The following SPOCK3 variants were observed in gnomAD, a reference collection of about 807,000 sequenced individuals.
SPOCK3 encodes SPARC (osteonectin), cwcv and kazal like domains proteoglycan 3.
A neutral mutation model predicts 56.6 loss-of-function variants in SPOCK3; 30 were observed. The ratio of observed to expected loss-of-function variants is 0.53; its 90% CI spans 0.40 to 0.72. The LOEUF (loss-of-function observed/expected upper bound fraction) is 0.72, where lower values mean the gene tolerates loss of function less well. Among genes scored for constraint, SPOCK3 ranks in the 30% least tolerant of loss-of-function variants. The pLI is 0.00. For synonymous variants in SPOCK3, 196 were observed against 183.3 expected (o/e 1.07, Z -0.56); for missense variants, 527 against 530.0 (o/e 0.99, Z 0.06).
intron 2 of SPOCK3, among the ~76,000 whole-genome samples, chr4:167,126,631 A>G (rs907529785): frequency 6.6e-6 from 1 of 151,776 alleles, no homozygotes; most frequent in African/African-American, 2.4e-5. Flanking sequence ...AATACAAAAA[A>G]AAAAAATCCT....
rs114340001 is a variant in SPOCK3, at chr4:166,815,829, A to C, written c.590-23540T>G. ...TTACCTCTACTAATAGGTTTTTATT[A>C]ATCAACCCTAAGAGGCATTATCACT... On this transcript the variant is annotated intron_variant, in intron 6 of 10. Transcript: ENST00000357545. 3.1e-3 allele frequency among the ~76,000 whole-genome samples: 478 copies of C among 152,212 alleles called. 1 individual carries two copies. The highest frequency in any genetic ancestry group is 0.011 in the African/African-American group (462 of 41,560).
At chr4:166,854,256 G>T (rs1406679379) in intron 6 of SPOCK3, among the ~76,000 whole-genome samples, 1 of 152,118 alleles carries the variant, frequency 6.6e-6, no homozygotes, top group Non-Finnish European at 1.5e-5. Context: ...GTGAGAGGAG[G>T]ATTCTGATAT....
rs866718984 is a variant in SPOCK3 at position 167,205,333 on chromosome 4, A to G, written c.189+28652T>C. Among the ~76,000 whole-genome samples, 408 of 44,824 alleles carry G rather than the reference A, an allele frequency of 9.1e-3. 19 individuals are homozygous for G. The highest frequency in any genetic ancestry group is 0.039 in the African/African-American group (385 of 9,864). The allele number at this position is 44,824 out of a possible 152,430, so 29.4% of individuals were successfully genotyped here. A position where few individuals can be genotyped will look rare whatever the true frequency, so the allele number is the denominator to read the frequency against. ...TATATATTTTATATATATAATATAT[A>G]TTATATATTATATATATAATATATA... On this transcript the variant is annotated intron_variant, in intron 2 of 10. Transcript: ENST00000357545.
chr4:166,896,315 G>A (rs1663211000), intron 5 of SPOCK3, among the ~76,000 whole-genome samples: 5 of 152,048 alleles, frequency 3.3e-5, no homozygotes. Flanking sequence ...GTGTGTTTGT[G>A]CCCTGCCCCC....
intron 6 of SPOCK3, among the ~76,000 whole-genome samples, chr4:166,862,870 A>G (rs1244740820): frequency 3.3e-5 from 5 of 152,110 alleles, no homozygotes; most frequent in Admixed American, 3.3e-4. Flanking sequence ...TAATTTTTAT[A>G]TACTTAAAAT....
intron 6 of SPOCK3, among the ~76,000 whole-genome samples, chr4:166,811,068 A>T (rs1037514778): frequency 1.3e-5 from 2 of 151,870 alleles, no homozygotes; most frequent in African/African-American, 4.8e-5. Context: ...TTTTGTTTCT[A>T]ATGACCCTTG....
chr4:166,735,809 T>C (rs1331304948), intron 10 of SPOCK3, among the ~76,000 whole-genome samples: 1 of 152,050 alleles, frequency 6.6e-6, no homozygotes, highest in Admixed American at 6.6e-5. Flanking sequence ...ATGTTGAGCT[T>C]AGTGAGACCT....
chr4:166,964,686 G>T (rs1387942882), intron 4 of SPOCK3, among the ~76,000 whole-genome samples: 2 of 151,530 alleles, frequency 1.3e-5, no homozygotes, highest in Non-Finnish European at 3.0e-5. Flanking sequence ...AATCTACTAG[G>T]CTTGCCAAAA....
chr4:166,828,638 T>C (rs1745722842), intron 6 of SPOCK3, among the ~76,000 whole-genome samples: 1 of 151,972 alleles, frequency 6.6e-6, no homozygotes, highest in South Asian at 2.1e-4. Flanking sequence ...CTCCTTGACA[T>C]TGTGGTGGTA....
intron 8 of SPOCK3, among the ~76,000 whole-genome samples, chr4:166,752,698 T>C (rs963975612): frequency 3.3e-5 from 5 of 151,874 alleles, no homozygotes; most frequent in African/African-American, 1.2e-4. Context: ...GCATATAAAT[T>C]AATGGTGATT....
intron 2 of SPOCK3, among the ~76,000 whole-genome samples, chr4:167,199,629 G>A (rs929590797): frequency 1.7e-4 from 26 of 150,808 alleles, no homozygotes; most frequent in African/African-American, 5.6e-4. Flanking sequence ...TAGCCCCCAG[G>A]AAAACTCTTC....
chr4:167,074,061 A>G (rs1426036871), intron 2 of SPOCK3, among the ~76,000 whole-genome samples: 1 of 151,762 alleles, frequency 6.6e-6, no homozygotes, highest in Non-Finnish European at 1.5e-5. Context: ...TTCTAAAAAA[A>G]AAAAAAATAG....
intron 3 of SPOCK3, among the ~76,000 whole-genome samples, chr4:167,030,354 GATTACCAT>G (rs1416615679): frequency 1.3e-5 from 2 of 151,912 alleles, no homozygotes; most frequent in Non-Finnish European, 2.9e-5. Flanking sequence ...ATCAAGATCA[GATTACCAT>G]ATTTTGTTCA....
intron 4 of SPOCK3, among the ~76,000 whole-genome samples, chr4:166,969,359 C>T (rs75624237): frequency 0.022 from 3,304 of 152,148 alleles, 54 homozygotes; most frequent in South Asian, 0.05. Flanking sequence ...TGTGCCCCCA[C>T]CCAAGTCTCA....
rs1328989117 is a variant in SPOCK3, at chr4:166,963,005, C to A, written c.350+37344G>T. On this transcript the variant is annotated intron_variant, in intron 4 of 10. Transcript: ENST00000357545. ...AATAAATGCCATTCCTTTTGTCATGCAGTCATTCACACACACTATGTTCTA... is the reference window on the plus strand; with the variant it reads ...AATAAATGCCATTCCTTTTGTCATGAAGTCATTCACACACACTATGTTCTA... Among the ~76,000 whole-genome samples, 2 of 152,030 alleles carry A rather than the reference C, an allele frequency of 1.3e-5. 1 individual carries two copies. The highest frequency in any genetic ancestry group is 3.9e-4 in the East Asian group (2 of 5,186).
chr4:167,066,910 T>C (rs955909099), intron 2 of SPOCK3, among the ~76,000 whole-genome samples: 2 of 151,802 alleles, frequency 1.3e-5, no homozygotes, highest in East Asian at 1.9e-4. Context: ...ACAGGTGAGG[T>C]GGGTCGGAAG....
At chr4:166,745,522 C>T (rs1434774577) in intron 8 of SPOCK3, among the ~76,000 whole-genome samples, 2 of 152,192 alleles carry the variant, frequency 1.3e-5, no homozygotes, top group African/African-American at 4.8e-5. Context: ...CAGTAACAGC[C>T]ACTGCAAAAA....
chr4:166,873,109 A>G (rs1302285515), intron 6 of SPOCK3, among the ~76,000 whole-genome samples: 3 of 152,106 alleles, frequency 2.0e-5, no homozygotes, highest in East Asian at 1.9e-4. Flanking sequence ...TCACCTCCCA[A>G]CACCACCAGA....
At position 166,980,791 on chromosome 4, in the gene SPOCK3, G is replaced by A. The variant is rs1255837965; in HGVS notation, c.350+19558C>T. ...GGAATGTGGCAATGCCTAGAAGCTT[G>A]GAGCCACTAGAAACCACAAAGCTCC... is the stretch of plus-strand genomic sequence containing the variant. On this transcript the variant is annotated intron_variant, in intron 4 of 10. Coordinates refer to ENST00000357545, the MANE Select transcript of SPOCK3 (RefSeq NM_001040159.2). Among the ~76,000 whole-genome samples the A allele has an allele frequency of 7.2e-5, 11 of 152,210 alleles. No homozygotes were observed. The East Asian group carries it at 1.9e-3, about 27-fold the overall frequency.
Sources: gnomAD v4.1 joint callset for allele counts (sites outside exome capture counted in the v4.1 genomes callset) on GRCh38, gnomAD v4.1.1 for gene constraint, MANE v1.5 for transcripts, NCBI Gene and HGNC (gene_info 2026-07-23, HGNC 2026-07-21) for gene names.